Variants in ST6GALNAC3 observed in about 807,000 individuals in gnomAD.
ST6GALNAC3 encodes the protein alpha-N-acetylgalactosaminide alpha-2,6-sialyltransferase 3.
ST6GALNAC3 carries 25 observed loss-of-function variants against 32.7 expected under a neutral mutation model. That is an observed-to-expected ratio of 0.76 (90% CI 0.56 to 1.07). The LOEUF is 1.07. Ranked by LOEUF, ST6GALNAC3 falls within the 50% of genes least tolerant of loss-of-function variation. ST6GALNAC3 has a pLI of 0.00. For synonymous variants in ST6GALNAC3, 129 were observed against 133.1 expected (o/e 0.97, Z 0.21); for missense variants, 355 against 382.4 (o/e 0.93, Z 0.60).
intron 1 of ST6GALNAC3, among the ~76,000 whole-genome samples, chr1:76,187,223 A>G (rs1402656200): frequency 6.6e-6 from 1 of 152,210 alleles, no homozygotes; most frequent in African/African-American, 2.4e-5. Context: ...CAATAGATGA[A>G]TGTATTCTAC....
chr1:76,319,903 ATGTG>A (rs1314689662), intron 2 of ST6GALNAC3, among the ~76,000 whole-genome samples: 2 of 152,102 alleles, frequency 1.3e-5, no homozygotes, highest in East Asian at 3.9e-4. Context: ...TGAATTTGAC[ATGTG>A]TGTATTGGAT....
chr1:76,381,381 A>T (rs1266818169), intron 2 of ST6GALNAC3, among the ~76,000 whole-genome samples: 1 of 152,174 alleles, frequency 6.6e-6, no homozygotes, highest in Admixed American at 6.6e-5. Flanking sequence ...GGAATATGAC[A>T]CTTAAAGAAG....
intron 3 of ST6GALNAC3, among the ~76,000 whole-genome samples, chr1:76,589,625 G>C (rs536876554): frequency 6.6e-6 from 1 of 151,824 alleles, no homozygotes; most frequent in Non-Finnish European, 1.5e-5. Context: ...CATGTCAGGT[G>C]GGGGAACTGA....
At chr1:76,597,389 T>C (rs919782894) in intron 3 of ST6GALNAC3, among the ~76,000 whole-genome samples, 2 of 151,904 alleles carry the variant, frequency 1.3e-5, no homozygotes, top group Admixed American at 6.6e-5. Context: ...CTTAAGATTC[T>C]CCCCCACACA....
chr1:76,207,901 C>T (rs1013059754), intron 1 of ST6GALNAC3, among the ~76,000 whole-genome samples: 3 of 152,172 alleles, frequency 2.0e-5, no homozygotes, highest in African/African-American at 7.2e-5. Flanking sequence ...ATGTGCCTAA[C>T]ATAAAATGAT....
chr1:76,420,691 C>T (rs113974683), intron 3 of ST6GALNAC3, among the ~76,000 whole-genome samples: 1,719 of 152,186 alleles, frequency 0.011, 24 homozygotes, highest in African/African-American at 0.035. Flanking sequence ...TACCACTGCT[C>T]TAGTTTAGGC....
At chr1:76,121,363 C>T (rs895616253) in intron 1 of ST6GALNAC3, among the ~76,000 whole-genome samples, 1 of 152,138 alleles carries the variant, frequency 6.6e-6, no homozygotes, top group African/African-American at 2.4e-5. Flanking sequence ...CATCCCATCT[C>T]ATCTCCCTGC....
chr1:76,617,350 C>T (rs953115931), intron 3 of ST6GALNAC3, among the ~76,000 whole-genome samples: 3 of 151,806 alleles, frequency 2.0e-5, no homozygotes, highest in African/African-American at 7.2e-5. Context: ...ATATTCCAAC[C>T]TGTTACAATC....
intron 1 of ST6GALNAC3, among the ~76,000 whole-genome samples, chr1:76,140,074 A>T (rs1431707357): frequency 6.6e-6 from 1 of 152,164 alleles, no homozygotes; most frequent in Non-Finnish European, 1.5e-5. Context: ...CGTGAAATCT[A>T]GGTTCTGGAA....
At chr1:76,353,879 C>T (rs1649215624) in intron 2 of ST6GALNAC3, 1 of 155,062 alleles carries the variant, frequency 6.4e-6, no homozygotes, top group African/African-American at 2.4e-5. Flanking sequence ...CCTTCAGAAC[C>T]CCAGCCTACT....
At chr1:76,305,881 T>C (rs773840233) in intron 1 of ST6GALNAC3, 1 of 517,660 alleles carries the variant, frequency 1.9e-6, no homozygotes, top group Admixed American at 1.9e-5. Flanking sequence ...GAGAAAATGG[T>C]AAAGATGACT....
At chr1:76,167,465 T>C (rs1317793247) in intron 1 of ST6GALNAC3, among the ~76,000 whole-genome samples, 1 of 152,200 alleles carries the variant, frequency 6.6e-6, no homozygotes, top group Non-Finnish European at 1.5e-5. Flanking sequence ...TGTTGTTGTG[T>C]GTCTGCCAGG....
At chr1:76,191,433 A>C (rs1248162501) in intron 1 of ST6GALNAC3, among the ~76,000 whole-genome samples, 1 of 152,152 alleles carries the variant, frequency 6.6e-6, no homozygotes, top group African/African-American at 2.4e-5. Context: ...ACAATTAGGA[A>C]GACTGCGTTC....
intron 2 of ST6GALNAC3, among the ~76,000 whole-genome samples, chr1:76,315,866 G>A (rs1646855284): frequency 6.6e-6 from 1 of 152,082 alleles, no homozygotes; most frequent in South Asian, 2.1e-4. Flanking sequence ...AATTGCTTTT[G>A]CTTTCTCTGT....
chr1:76,188,186 AC>A, intron 1 of ST6GALNAC3, among the ~76,000 whole-genome samples: 2 of 152,070 alleles, frequency 1.3e-5, no homozygotes, highest in Non-Finnish European at 2.9e-5. Flanking sequence ...ACATGGTGAA[AC>A]CCCATCTCTA....
chr1:76,549,291 C>T (rs1664479726), intron 3 of ST6GALNAC3, among the ~76,000 whole-genome samples: 1 of 152,134 alleles, frequency 6.6e-6, no homozygotes, highest in African/African-American at 2.4e-5. Context: ...CCTGTCCGTG[C>T]TCCTGTCTTT....
intron 2 of ST6GALNAC3, among the ~76,000 whole-genome samples, chr1:76,383,448 T>C (rs1252325943): frequency 6.6e-6 from 1 of 150,884 alleles, no homozygotes; most frequent in Non-Finnish European, 1.5e-5. Context: ...TTAATTTTTT[T>C]TTTTTTTTTG....
At chr1:76,087,363 C>T (rs1024610040) in intron 1 of ST6GALNAC3, among the ~76,000 whole-genome samples, 1 of 152,164 alleles carries the variant, frequency 6.6e-6, no homozygotes, top group African/African-American at 2.4e-5. Flanking sequence ...GACCTTTTCC[C>T]CACTTATCTT....
In ST6GALNAC3 at chr1:76,074,788, C is replaced by T. The variant is rs1646788539; in HGVS notation, c.-79C>T. Reference sequence around the variant, plus strand: ...GGCTGGAGAGGTCCTGCCGTGGTACCAGCCTCCAGCCTGCCCCCAGGACTG... The same window carrying T: ...GGCTGGAGAGGTCCTGCCGTGGTACTAGCCTCCAGCCTGCCCCCAGGACTG... On this transcript the variant is annotated 5_prime_UTR_variant, in exon 1 of 5. The change creates a premature stop within an existing upstream ORF in the 5' untranslated region. Transcript: ENST00000328299. 43 of 1,507,212 alleles carry T rather than the reference C, an allele frequency of 2.9e-5. No individual in the cohort carries two copies. Among genetic ancestry groups the T allele is most frequent in the Non-Finnish European group, 3.9e-5 (43 of 1,113,114 alleles). The allele number at this position is 1,507,212 out of a possible 1,614,324, so 93.4% of individuals were successfully genotyped here. A position where few individuals can be genotyped will look rare whatever the true frequency, so the allele number is the denominator to read the frequency against.
Sources: gnomAD v4.1 joint callset for allele counts (sites outside exome capture counted in the v4.1 genomes callset) on GRCh38, gnomAD v4.1.1 for gene constraint, MANE v1.5 for transcripts, NCBI Gene and HGNC (gene_info 2026-07-23, HGNC 2026-07-21) for gene names.